Variants in ZNF74 observed in about 807,000 individuals in gnomAD.
The protein encoded by ZNF74 is zinc finger protein 74.
ZNF74 carries 12 observed loss-of-function variants against 17.7 expected under a neutral mutation model. The observed-to-expected ratio is 0.68, with a 90% confidence interval of 0.43 to 1.10. ZNF74 has a LOEUF of 1.10. Ranked by LOEUF, ZNF74 falls within the 50% of genes least tolerant of loss-of-function variation. The pLI is 0.00. For missense variants in ZNF74, 811 were observed against 881.0 expected (o/e 0.92, Z 1.01); for synonymous variants, 358 against 362.1 (o/e 0.99, Z 0.13).
rs543601514 is a variant in ZNF74 at position 20,400,156 on chromosome 22, G to C, written c.121-476G>C. On this transcript the variant is annotated intron_variant, in intron 2 of 4. Coordinates refer to ENST00000400451, the MANE Select transcript of ZNF74 (RefSeq NM_003426.4). ...GCACAGAACTTGCTGATATATACAA[G>C]GTTTCCTTCCTTAGAGTGTAATAAC... 23 of 167,538 alleles carry C rather than the reference G, an allele frequency of 1.4e-4. No individual in the cohort carries two copies. In the South Asian group the frequency reaches 3.1e-3, roughly 22 times the overall value. 10.4% of individuals were successfully genotyped at this position (167,538 alleles called of 1,614,324 possible).
Position 20,400,752 on chromosome 22 carries a change from GC to G in ZNF74, c.244del (p.Leu82Ter). ...GTTGGAGAACTACCAGAACCTTCTTGCCCTAGGTAAAATCCCCCCAGCCCCA... is the reference window on the plus strand; with the variant it reads ...GTTGGAGAACTACCAGAACCTTCTTGCCTAGGTAAAATCCCCCCAGCCCCA... Reference protein sequence around the residue: ...VMLENYQNLLALGPPLHKPDV... With the variant: ...VMLENYQNLLXLGPPLHKPDV... On this transcript the variant is annotated frameshift_variant, in exon 3 of 5. Transcript: ENST00000400451. LOFTEE classifies it high-confidence loss of function. 6.2e-7 allele frequency: 1 copy of G among 1,614,034 alleles called. No individual in the cohort carries two copies. The highest frequency in any genetic ancestry group is 8.5e-7 in the Non-Finnish European group (1 of 1,179,970).
chr22:20,399,553 T>C (rs935158445), intron 2 of ZNF74: 12 of 400,454 alleles, frequency 3.0e-5, no homozygotes, highest in Admixed American at 1.3e-4. Flanking sequence ...ATTATTAATA[T>C]GGTTGGATTT....
At position 20,405,735 on chromosome 22, in the gene ZNF74, G is replaced by A. The variant is rs2052410576; in HGVS notation, c.702G>A (p.Gln234=). 6.2e-7 allele frequency: 1 copy of A among 1,604,002 alleles called. No individual in the cohort carries two copies. The highest frequency in any genetic ancestry group is 8.5e-7 in the Non-Finnish European group (1 of 1,175,752). ...CAAGTGAGCCAGAAAAGTTCCCCCA[G>A]GTGCGCCGGCAGCGCGGGGCGGGCG... ...STPSEPEKFP[Q]VRRQRGAGAG... Residue 234 remains glutamine (Q), a synonymous_variant, in exon 5 of 5, where the codon CAG becomes CAA. Coordinates refer to ENST00000400451, the MANE Select transcript of ZNF74 (RefSeq NM_003426.4).
At position 20,407,778 on chromosome 22, in the gene ZNF74, A is replaced by G. The variant is rs1319585144; in HGVS notation, c.*810A>G. 6.6e-6 allele frequency: 1 copy of G among 152,246 alleles called. No homozygotes were observed. Among genetic ancestry groups the G allele is most frequent in the Non-Finnish European group, 1.5e-5 (1 of 68,048 alleles). 9.4% of individuals were successfully genotyped at this position (152,246 alleles called of 1,614,324 possible). A position where few individuals can be genotyped will look rare whatever the true frequency, so the allele number is the denominator to read the frequency against. ...TGAATTTCCTGGACTTAACTCATGT[A>G]AATAGCTCTACTGCAGAGCTGTGTG... On this transcript the variant is annotated 3_prime_UTR_variant, in exon 5 of 5. Transcript: ENST00000400451.
chr22:20,401,600 G>A lies in ZNF74; in HGVS notation c.343+228G>A, dbSNP rs1338043658. 6.6e-6 allele frequency among the ~76,000 whole-genome samples: 1 copy of A among 152,180 alleles called. No individual in the cohort carries two copies. The highest frequency in any genetic ancestry group is 2.4e-5 in the African/African-American group (1 of 41,436). On this transcript the variant is annotated intron_variant, in intron 4 of 4. Transcript: ENST00000400451. The surrounding 1 kb of genome is among the most constrained non-coding windows in gnomAD (Gnocchi z 4.2). The stretch of plus-strand genomic sequence containing the variant: ...ACAAACCTGGCCACTGGGACCAAAT[G>A]GTCACCTGCTGATGGGGATGGGGAG...
In ZNF74 at chr22:20,394,173, T is replaced by TGTGGCAGTCGCAGTCCTTTTGTGGGAGTC. The variant is rs1197203615; in HGVS notation, c.-455_-427dup. On this transcript the variant is annotated 5_prime_UTR_variant, in exon 1 of 5. Coordinates refer to ENST00000400451, the MANE Select transcript of ZNF74 (RefSeq NM_003426.4). ...CCCGCAGCGGCCGCCTGCTGCTCTT[T>TGTGGCAGTCGCAGTCCTTTTGTGGGAGTC]GTGGCAGTCGCAGTCCTTTTGTGGG... The TGTGGCAGTCGCAGTCCTTTTGTGGGAGTC allele has an allele frequency of 1.6e-6, 1 of 631,078 alleles. No individual in the cohort carries two copies. The highest frequency in any genetic ancestry group is 2.5e-5 in the Admixed American group (1 of 39,856). 39.1% of individuals were successfully genotyped at this position (631,078 alleles called of 1,614,324 possible).
rs759397352 is a variant in ZNF74, at chr22:20,406,340, G to A, written c.1307G>A (p.Arg436Lys). Reference sequence around the variant, plus strand: ...CGCTCGCGCCTCACCCTCCACCAGAGGACGCACACGGGCGAGAAGCCCTTC... The same window carrying A: ...CGCTCGCGCCTCACCCTCCACCAGAAGACGCACACGGGCGAGAAGCCCTTC... ...NSRSRLTLHQ[R>K]THTGEKPFKC... The change falls in exon 5 of 5, where the codon AGG becomes AAG. Residue 436 changes from arginine to lysine, a missense_variant. By Grantham distance (26) the Arg-to-Lys change is conservative. This residue lies in a region of ZNF74 where 666 missense variants were observed against 702.3 expected (regional missense o/e 0.95). Coordinates refer to ENST00000400451, the MANE Select transcript of ZNF74 (RefSeq NM_003426.4). 3.7e-6 allele frequency: 6 copies of A among 1,612,972 alleles called. No individual in the cohort carries two copies. The highest frequency in any genetic ancestry group is 1.7e-4 in the Middle Eastern group (1 of 6,060).
rs2052269518 is a variant in ZNF74 at position 20,394,545 on chromosome 22, G to A, written c.-84G>A. 3 of 1,449,826 alleles carry A rather than the reference G, an allele frequency of 2.1e-6. No homozygotes were observed. Among genetic ancestry groups the A allele is most frequent in the Non-Finnish European group, 2.9e-6 (3 of 1,032,982 alleles). The allele number at this position is 1,449,826 out of a possible 1,614,324, so 89.8% of individuals were successfully genotyped here. A position where few individuals can be genotyped will look rare whatever the true frequency, so the allele number is the denominator to read the frequency against. ...CGCTGCAGGCCCCTCAGCCCCAGGA[G>A]CAGTACTCGCTCTTCAGGGCCTGCC... is the stretch of plus-strand genomic sequence containing the variant. On this transcript the variant is annotated 5_prime_UTR_variant, in exon 1 of 5. Transcript: ENST00000400451.
intron 2 of ZNF74, 158 bp from the exon 3 acceptor site, chr22:20,400,474 A>G: frequency 1.3e-6 from 1 of 771,738 alleles, no homozygotes; most frequent in Non-Finnish European, 2.2e-6. Context: ...CTGGTCCCCG[A>G]ATTCAGTCAT....
At chr22:20,394,996 G>T (rs927551763) in intron 1 of ZNF74, 19 of 425,616 alleles carry the variant, frequency 4.5e-5, no homozygotes, top group Middle Eastern at 1.2e-3. Context: ...CAAGCGATCC[G>T]CCCGCCTCGG....
At chr22:20,398,316 C>CAA (rs362022) in intron 2 of ZNF74, among the ~76,000 whole-genome samples, 45 of 128,042 alleles carry the variant, frequency 3.5e-4, no homozygotes, top group African/African-American at 7.7e-4. Context: ...GACCATGTCT[C>CAA]AAAAAAAAAA....
At position 20,394,208 on chromosome 22, in the gene ZNF74, T is replaced by G. The variant is rs2052263448; in HGVS notation, c.-421T>G. 1.5e-6 allele frequency: 1 copy of G among 687,600 alleles called. No homozygotes were observed. Among genetic ancestry groups the G allele is most frequent in the Non-Finnish European group, 2.7e-6 (1 of 373,754 alleles). 42.6% of individuals were successfully genotyped at this position (687,600 alleles called of 1,614,324 possible). On this transcript the variant is annotated 5_prime_UTR_variant, in exon 1 of 5. Coordinates refer to ENST00000400451, the MANE Select transcript of ZNF74 (RefSeq NM_003426.4). ...GCAGTCCTTTTGTGGGAGTCCGGTC[T>G]GTCCACTTGCCGGTCCCTCAGACCG...
intron 1 of ZNF74, chr22:20,394,863 C>G: frequency 1.7e-6 from 1 of 574,164 alleles, no homozygotes; most frequent in Non-Finnish European, 3.0e-6. Flanking sequence ...CGGGTTCAAA[C>G]TATTCTCCCG....
rs1237369369 is a variant in ZNF74, at chr22:20,401,121, C to T, written c.248-156C>T. On this transcript the variant is annotated intron_variant, in intron 3 of 4. Coordinates refer to ENST00000400451, the MANE Select transcript of ZNF74 (RefSeq NM_003426.4). This position sits in a 1 kb window ranked among gnomAD's most constrained non-coding sequence, Gnocchi z 4.2. Reference sequence around the variant, plus strand: ...AGAGTATACACTGGGATTTGGGTTCCAGTCTGAGACCCTCACTGCTTTTGG... The same window carrying T: ...AGAGTATACACTGGGATTTGGGTTCTAGTCTGAGACCCTCACTGCTTTTGG... The T allele has an allele frequency of 1.6e-6, 1 of 612,892 alleles. No individual in the cohort carries two copies. Among genetic ancestry groups the T allele is most frequent in the African/African-American group, 1.9e-5 (1 of 53,968 alleles). The allele number at this position is 612,892 out of a possible 1,614,324, so 38.0% of individuals were successfully genotyped here.
Position 20,401,448 on chromosome 22 carries a change from C to T in ZNF74, c.343+76C>T. On this transcript the variant is annotated intron_variant, in intron 4 of 4. Coordinates refer to ENST00000400451, the MANE Select transcript of ZNF74 (RefSeq NM_003426.4). The surrounding 1 kb of genome is among the most constrained non-coding windows in gnomAD (Gnocchi z 4.2). The stretch of plus-strand genomic sequence containing the variant: ...ACCTCCTCCTATGGCCCCTATTTTC[C>T]TCCCTCAGTTTGCCCCGGCTCCATC... 1.0e-6 allele frequency: 1 copy of T among 993,462 alleles called. No individual in the cohort carries two copies. Among genetic ancestry groups the T allele is most frequent in the Non-Finnish European group, 1.5e-6 (1 of 655,030 alleles). The allele number at this position is 993,462 out of a possible 1,614,324, so 61.5% of individuals were successfully genotyped here. A position where few individuals can be genotyped will look rare whatever the true frequency, so the allele number is the denominator to read the frequency against.
rs2052450232 is a variant in ZNF74, at chr22:20,407,871, G to A, written c.*903G>A. On this transcript the variant is annotated 3_prime_UTR_variant, in exon 5 of 5. Coordinates refer to ENST00000400451, the MANE Select transcript of ZNF74 (RefSeq NM_003426.4). ...GCACGGCCCAGCATCATTGTAGCCA[G>A]ATCCTAACATGCCAACATCACCTCT... The A allele has an allele frequency of 6.6e-6, 1 of 152,226 alleles. No individual in the cohort carries two copies. 9.4% of individuals were successfully genotyped at this position (152,226 alleles called of 1,614,324 possible).
chr22:20,399,177 A>G (rs1336966436), intron 2 of ZNF74, among the ~76,000 whole-genome samples: 1 of 152,184 alleles, frequency 6.6e-6, no homozygotes, highest in East Asian at 1.9e-4. Flanking sequence ...AATATCAGTT[A>G]AGTCAAGTTG....
chr22:20,405,786 C>T lies in ZNF74; in HGVS notation c.753C>T (p.Gly251=), dbSNP rs369265157. The change falls in exon 5 of 5, where the codon GGC becomes GGT. Residue 251 remains glycine (G), a synonymous_variant. Coordinates refer to ENST00000400451, the MANE Select transcript of ZNF74 (RefSeq NM_003426.4). Reference sequence around the variant, plus strand: ...CCGGGGAGGGCGAGTTCGTGTGCGGCGAGTGCGGGAAGGCGTTCCGCCAGA... The same window carrying T: ...CCGGGGAGGGCGAGTTCGTGTGCGGTGAGTGCGGGAAGGCGTTCCGCCAGA... The part of the protein sequence containing the change: ...AGAGEGEFVC[G]ECGKAFRQSS... 9.9e-6 allele frequency: 16 copies of T among 1,610,924 alleles called. No homozygotes were observed. Among genetic ancestry groups the T allele is most frequent in the East Asian group, 2.2e-5 (1 of 44,818 alleles).
At chr22:20,403,446 A>G (rs903127198) in intron 4 of ZNF74, among the ~76,000 whole-genome samples, 1 of 151,804 alleles carries the variant, frequency 6.6e-6, no homozygotes, top group Non-Finnish European at 1.5e-5. Flanking sequence ...CATCAGTTTT[A>G]GCACCTAAAT....
Sources: allele counts gnomAD v4.1 joint callset (sites outside exome capture counted in the v4.1 genomes callset), GRCh38; gene constraint gnomAD v4.1.1; regional missense constraint gnomAD v4.1.1; non-coding constraint Gnocchi (gnomAD v3.1); transcripts MANE v1.5; gene names NCBI Gene and HGNC (gene_info 2026-07-23, HGNC 2026-07-21).